The following HS6ST3 variants were observed in gnomAD, a reference collection of about 807,000 sequenced individuals.
HS6ST3 encodes heparan-sulfate 6-O-sulfotransferase 3.
Under a neutral mutation model 36.7 loss-of-function variants are expected in HS6ST3, and 12 were observed. The observed-to-expected ratio is 0.33, with a 90% CI of 0.21 to 0.53. HS6ST3 has a LOEUF of 0.53. Ranked by LOEUF, HS6ST3 falls within the 20% of genes least tolerant of loss-of-function variation. The pLI is 0.95. For missense variants in HS6ST3, 584 were observed against 640.9 expected (o/e 0.91, Z 0.96); for synonymous variants, 240 against 257.5 (o/e 0.93, Z 0.65).
intron 1 of HS6ST3, among the ~76,000 whole-genome samples, chr13:96,600,086 A>G (rs746618844): frequency 4.6e-5 from 7 of 152,036 alleles, no homozygotes; most frequent in Non-Finnish European, 5.9e-5. Context: ...CCATGCGCTG[A>G]TGAGAAGAAT....
At chr13:96,360,157 G>T (rs927821666) in intron 1 of HS6ST3, among the ~76,000 whole-genome samples, 1 of 152,156 alleles carries the variant, frequency 6.6e-6, no homozygotes, top group African/African-American at 2.4e-5. Context: ...GTCATTGAAG[G>T]ATGGGGTGCT....
intron 1 of HS6ST3, among the ~76,000 whole-genome samples, chr13:96,696,470 G>T (rs1417301692): frequency 6.6e-6 from 1 of 152,178 alleles, no homozygotes; most frequent in Admixed American, 6.6e-5. Flanking sequence ...ATATAAAATG[G>T]ATGGAAGTAT....
chr13:96,263,765 G>T (rs896230265), intron 1 of HS6ST3, among the ~76,000 whole-genome samples: 1 of 152,210 alleles, frequency 6.6e-6, no homozygotes, highest in African/African-American at 2.4e-5. Context: ...GCTTACAAAA[G>T]ACAGATATGG....
intron 1 of HS6ST3, among the ~76,000 whole-genome samples, chr13:96,294,045 A>G (rs960532569): frequency 2.0e-5 from 3 of 152,126 alleles, no homozygotes; most frequent in African/African-American, 7.2e-5. Context: ...TAGAGGAATG[A>G]CATTACGTTT....
chr13:96,433,927 C>G (rs532969135), intron 1 of HS6ST3, among the ~76,000 whole-genome samples: 1 of 151,682 alleles, frequency 6.6e-6, no homozygotes, highest in South Asian at 2.1e-4. Context: ...AAGAGTGAAA[C>G]TCTGTCAGAA....
chr13:96,653,061 A>AT (rs2056612995), intron 1 of HS6ST3, among the ~76,000 whole-genome samples: 1 of 151,926 alleles, frequency 6.6e-6, no homozygotes, highest in Non-Finnish European at 1.5e-5. Flanking sequence ...TTGGGGACTC[A>AT]TTTTTGCTAA....
At chr13:96,831,977 A>AAAAAAAAAAAAAAAAAC (rs1555326624) in intron 1 of HS6ST3, among the ~76,000 whole-genome samples, 2 of 116,046 alleles carry the variant, frequency 1.7e-5, no homozygotes, top group Admixed American at 9.0e-5. Flanking sequence ...AAAAAAAAAA[A>AAAAAAAAAAAAAAAAAC]AAACAGAGAT....
At chr13:96,442,178 T>C (rs1156412505) in intron 1 of HS6ST3, among the ~76,000 whole-genome samples, 4 of 152,112 alleles carry the variant, frequency 2.6e-5, no homozygotes, top group African/African-American at 4.8e-5. Context: ...TGCACAACCA[T>C]ACCCAACTAA....
In HS6ST3 at chr13:96,133,544, G is replaced by A. The variant is rs530969563; in HGVS notation, c.707+41975G>A. Reference sequence around the variant, plus strand: ...TTCAAAGGATTCTCCTGCCACAGCCGCCAGAGTAGGTGGGACTACAGGTGT... The same window carrying A: ...TTCAAAGGATTCTCCTGCCACAGCCACCAGAGTAGGTGGGACTACAGGTGT... On this transcript the variant is annotated intron_variant, in intron 1 of 1. Transcript: ENST00000376705. 8.7e-4 allele frequency among the ~76,000 whole-genome samples: 132 copies of A among 152,112 alleles called. 3 individuals carry two copies. The highest frequency in any genetic ancestry group is 7.4e-3 in the Admixed American group (113 of 15,272).
chr13:96,658,968 A>G (rs1388196228), intron 1 of HS6ST3, among the ~76,000 whole-genome samples: 1 of 152,130 alleles, frequency 6.6e-6, no homozygotes, highest in Non-Finnish European at 1.5e-5. Flanking sequence ...CTGCCTCCCA[A>G]AGTGCTGGGA....
intron 1 of HS6ST3, among the ~76,000 whole-genome samples, chr13:96,567,006 C>T (rs1328703314): frequency 6.6e-6 from 1 of 151,978 alleles, no homozygotes; most frequent in African/African-American, 2.4e-5. Context: ...GTTCCATAAG[C>T]AAAAACTGGG....
chr13:96,490,688 G>A (rs1227339983), intron 1 of HS6ST3, among the ~76,000 whole-genome samples: 6 of 152,016 alleles, frequency 3.9e-5, no homozygotes, highest in South Asian at 4.2e-4. Context: ...TTATTGAATC[G>A]CCTGTATCAT....
chr13:96,799,948 A>ATATATATATACG (rs1878006486), intron 1 of HS6ST3, among the ~76,000 whole-genome samples: 1 of 101,264 alleles, frequency 9.9e-6, no homozygotes, highest in African/African-American at 4.7e-5. Context: ...GTGTGTGTAT[A>ATATATATATACG]TATATATATA....
chr13:96,671,947 TAA>T (rs1566426232), intron 1 of HS6ST3, among the ~76,000 whole-genome samples: 1 of 152,138 alleles, frequency 6.6e-6, no homozygotes, highest in Non-Finnish European at 1.5e-5. Flanking sequence ...ATAGTGGTTT[TAA>T]AAGTTAGAAT....
intron 1 of HS6ST3, among the ~76,000 whole-genome samples, chr13:96,202,351 T>C (rs941771508): frequency 3.9e-5 from 6 of 152,338 alleles, no homozygotes; most frequent in African/African-American, 1.2e-4. Context: ...CTAGCTACTA[T>C]CCCTTCTGCA....
chr13:96,705,085 G>A (rs146079520), intron 1 of HS6ST3, among the ~76,000 whole-genome samples: 76 of 152,196 alleles, frequency 5.0e-4, no homozygotes, highest in Middle Eastern at 3.4e-3. Context: ...TCCCATCACA[G>A]TGGTGCATTT....
chr13:96,805,148 T>C (rs1033766894), intron 1 of HS6ST3, among the ~76,000 whole-genome samples: 6 of 152,156 alleles, frequency 3.9e-5, no homozygotes, highest in African/African-American at 9.7e-5. Flanking sequence ...GAGGGTAATA[T>C]GGTTTGGCTC....
At chr13:96,414,496 T>G (rs1298538869) in intron 1 of HS6ST3, among the ~76,000 whole-genome samples, 4 of 152,206 alleles carry the variant, frequency 2.6e-5, no homozygotes, top group East Asian at 1.9e-4. Flanking sequence ...TTTCTTTTTT[T>G]TGTGTGACAG....
intron 1 of HS6ST3, among the ~76,000 whole-genome samples, chr13:96,339,448 G>A (rs12583996): frequency 0.36 from 54,709 of 151,900 alleles, 10,127 homozygotes; most frequent in African/African-American, 0.42. Flanking sequence ...CCACCTGCAA[G>A]GTGATCAAGC....
Sources: gnomAD v4.1 joint callset for allele counts (sites outside exome capture counted in the v4.1 genomes callset) on GRCh38, gnomAD v4.1.1 for gene constraint, MANE v1.5 for transcripts, NCBI Gene and HGNC (gene_info 2026-07-23, HGNC 2026-07-21) for gene names.